EML1: variants seen among roughly 807,000 people sequenced by gnomAD.
EML1 encodes EMAP like 1, also known as echinoderm microtubule-associated protein-like 1.
EML1 carries 27 observed loss-of-function variants against 110.4 expected under a neutral mutation model. The observed-to-expected ratio is 0.24, with a 90% CI of 0.18 to 0.34. The LOEUF (loss-of-function observed/expected upper bound fraction) is 0.34, where lower values mean the gene tolerates loss of function less well. Ranked by LOEUF, EML1 falls within the 10% of genes least tolerant of loss-of-function variation. The pLI is 1.00. For missense variants in EML1, 741 were observed against 1,030.9 expected (o/e 0.72, Z 3.85); for synonymous variants, 344 against 385.8 (o/e 0.89, Z 1.27).
At chr14:99,864,827 A>G (rs1308882303) in intron 2 of EML1, among the ~76,000 whole-genome samples, 1 of 151,150 alleles carries the variant, frequency 6.6e-6, no homozygotes, top group Non-Finnish European at 1.5e-5. Context: ...AAAAAAAAGA[A>G]AAGATGATCC....
intron 17 of EML1, among the ~76,000 whole-genome samples, chr14:99,932,745 G>A (rs568405531): frequency 6.6e-6 from 1 of 151,912 alleles, no homozygotes; most frequent in South Asian, 2.1e-4. Flanking sequence ...TTTACTGCCC[G>A]AAAATTGTGG....
At chr14:99,818,809 G>C (rs1350324562) in intron 1 of EML1, among the ~76,000 whole-genome samples, 1 of 152,182 alleles carries the variant, frequency 6.6e-6, no homozygotes, top group Admixed American at 6.5e-5. Context: ...GCAAGCCACG[G>C]GTTTTAGGAG....
chr14:99,815,497 G>C (rs949386282), intron 1 of EML1, among the ~76,000 whole-genome samples: 13 of 151,748 alleles, frequency 8.6e-5, no homozygotes, highest in Non-Finnish European at 1.5e-4. Flanking sequence ...ATGCCCCCTT[G>C]TTGTGTCATG....
chr14:99,891,829 A>AAT (rs1173926266), intron 5 of EML1, among the ~76,000 whole-genome samples: 4 of 152,230 alleles, frequency 2.6e-5, no homozygotes, highest in Admixed American at 6.5e-5. Context: ...AAATACATTC[A>AAT]TTTAATTTTA....
At chr14:99,857,619 A>T (rs1412367547) in intron 2 of EML1, among the ~76,000 whole-genome samples, 1 of 152,178 alleles carries the variant, frequency 6.6e-6, no homozygotes. Context: ...GCTAGTCTAC[A>T]TCATGTCTCC....
At chr14:99,822,008 G>A (rs892732070) in intron 1 of EML1, among the ~76,000 whole-genome samples, 3 of 152,180 alleles carry the variant, frequency 2.0e-5, no homozygotes, top group African/African-American at 7.2e-5. Context: ...GAAGACTGTG[G>A]AATAAGCAGC....
chr14:99,760,843 C>G (rs140702516), intron 1 of EML1, among the ~76,000 whole-genome samples: 1 of 152,084 alleles, frequency 6.6e-6, no homozygotes, highest in South Asian at 2.1e-4. Context: ...AACCAGTACA[C>G]GCAAAGCTGG....
intron 1 of EML1, among the ~76,000 whole-genome samples, chr14:99,754,597 G>A (rs1008700241): frequency 2.0e-5 from 3 of 152,286 alleles, no homozygotes; most frequent in Admixed American, 6.5e-5. Context: ...AGATAGAGGC[G>A]TGGGCAGGCA....
At chr14:99,744,420 A>G (rs1375773432) in intron 1 of EML1, among the ~76,000 whole-genome samples, 1 of 152,178 alleles carries the variant, frequency 6.6e-6, no homozygotes, top group African/African-American at 2.4e-5. Flanking sequence ...CCACAGCCAA[A>G]GTTTCACTGG....
chr14:99,827,161 A>G lies in EML1; in HGVS notation c.68-23692A>G, dbSNP rs1027285416. ...GAAGACAGCCAGTGAGAGAGGCCTC[A>G]GAAGAAACTAACCCTGGGCCCTAAT... is the stretch of plus-strand genomic sequence containing the variant. On this transcript the variant is annotated intron_variant, in intron 1 of 21. Coordinates refer to ENST00000262233, the MANE Select transcript of EML1 (RefSeq NM_004434.3). The surrounding 1 kb of genome is among the most constrained non-coding windows in gnomAD (Gnocchi z 4.4). Among the ~76,000 whole-genome samples the G allele has an allele frequency of 1.3e-5, 2 of 152,226 alleles. No individual in the cohort carries two copies. The highest frequency in any genetic ancestry group is 1.5e-5 in the Non-Finnish European group (1 of 68,028).
Position 99,871,499 on chromosome 14 carries a change from C to T in EML1, c.383+5853C>T, listed in dbSNP as rs578123417. Among the ~76,000 whole-genome samples, 59 of 148,912 alleles carry T rather than the reference C, an allele frequency of 4.0e-4. 1 individual carries two copies. The highest frequency in any genetic ancestry group is 2.1e-3 in the South Asian group (10 of 4,718). ...CTGCACTCCAGCCTGGTCAACAGAG[C>T]GAGACCCTGTCTCAAAGGAAAAAAA... On this transcript the variant is annotated intron_variant, in intron 3 of 21. Coordinates refer to ENST00000262233, the MANE Select transcript of EML1 (RefSeq NM_004434.3).
intron 1 of EML1, chr14:99,850,202 G>A: frequency 2.0e-6 from 2 of 1,019,274 alleles, no homozygotes; most frequent in Non-Finnish European, 2.7e-6. Context: ...GCCTCCCAAA[G>A]TGTTCTCTGT....
intron 10 of EML1, among the ~76,000 whole-genome samples, chr14:99,908,813 A>G (rs1171514409): frequency 6.6e-6 from 1 of 152,202 alleles, no homozygotes; most frequent in Non-Finnish European, 1.5e-5. Flanking sequence ...CCCTGGGGAA[A>G]CGGGCAGCCA....
At chr14:99,927,830 GGT>G (rs1368320849) in intron 17 of EML1, among the ~76,000 whole-genome samples, 2 of 71,646 alleles carry the variant, frequency 2.8e-5, no homozygotes, top group Non-Finnish European at 2.7e-5. Flanking sequence ...TGGTGGTGGT[GGT>G]ATTGGTGGTG....
upstream of EML1, among the ~76,000 whole-genome samples, chr14:99,770,802 T>TTTTTTTTTTTTTTTTTTTTTTTG (rs2057419102): frequency 7.1e-6 from 1 of 140,202 alleles, no homozygotes; most frequent in Non-Finnish European, 1.5e-5. Flanking sequence ...TTTTTTTTTT[T>TTTTTTTTTTTTTTTTTTTTTTTG]GAGACGGAGT....
chr14:99,844,682 G>T (rs1249199814), intron 1 of EML1, among the ~76,000 whole-genome samples: 1 of 152,090 alleles, frequency 6.6e-6, no homozygotes, highest in Non-Finnish European at 1.5e-5. Flanking sequence ...ATTCCCTTGT[G>T]CAGTGTCCCC....
chr14:99,860,465 G>A (rs2058983915), intron 2 of EML1, among the ~76,000 whole-genome samples: 1 of 152,064 alleles, frequency 6.6e-6, no homozygotes, highest in African/African-American at 2.4e-5. Flanking sequence ...CCTCTTTCCT[G>A]TCATCTTCAA....
intron 1 of EML1, among the ~76,000 whole-genome samples, chr14:99,818,204 G>T (rs1488953372): frequency 6.6e-6 from 1 of 152,118 alleles, no homozygotes; most frequent in East Asian, 1.9e-4. Flanking sequence ...GTTTAGCAGG[G>T]ATGTGAGGTG....
chr14:99,804,439 C>G (rs2057935323), intron 1 of EML1, among the ~76,000 whole-genome samples: 1 of 152,116 alleles, frequency 6.6e-6, no homozygotes, highest in African/African-American at 2.4e-5. Flanking sequence ...TGAAGTGGGT[C>G]CTATTATTGT....
Sources: allele counts gnomAD v4.1 joint callset (sites outside exome capture counted in the v4.1 genomes callset), GRCh38; gene constraint gnomAD v4.1.1; non-coding constraint Gnocchi (gnomAD v3.1); transcripts MANE v1.5; gene names NCBI Gene and HGNC (gene_info 2026-07-23, HGNC 2026-07-21).